The following H2AZ2 variants were observed in gnomAD, a reference collection of about 807,000 sequenced individuals.
H2AZ2 encodes the protein H2A.Z variant histone 2, also known as histone H2A.V.
H2AZ2 carries 5 observed loss-of-function variants against 15.5 expected under a neutral mutation model. The observed-to-expected ratio is 0.32, with a 90% confidence interval of 0.17 to 0.68. H2AZ2 has a LOEUF of 0.68. Ranked by LOEUF, H2AZ2 falls within the 30% of genes least tolerant of loss-of-function variation. H2AZ2 has a pLI of 0.72. For missense variants in H2AZ2, 42 were observed against 162.5 expected (o/e 0.26, Z 4.03); for synonymous variants, 44 against 57.4 (o/e 0.77, Z 1.05).
chr7:44,837,051 G>A (rs1019810247), intron 3 of H2AZ2, among the ~76,000 whole-genome samples: 1 of 151,626 alleles, frequency 6.6e-6, no homozygotes, highest in African/African-American at 2.4e-5. Context: ...AACAGACACA[G>A]GGTTTCACCA....
intron 3 of H2AZ2, among the ~76,000 whole-genome samples, chr7:44,836,870 C>A (rs988284079): frequency 1.3e-5 from 2 of 151,730 alleles, no homozygotes; most frequent in African/African-American, 4.8e-5. Flanking sequence ...GTGGCAGGCA[C>A]CTGTAGTCCC....
At chr7:44,841,790 C>T (rs1793281870) in intron 2 of H2AZ2, among the ~76,000 whole-genome samples, 1 of 152,132 alleles carries the variant, frequency 6.6e-6, no homozygotes, top group African/African-American at 2.4e-5. Flanking sequence ...TTCTTACAGG[C>T]CTCCCTCAAC....
At chr7:44,842,652 C>T (rs1415048780) in intron 2 of H2AZ2, among the ~76,000 whole-genome samples, 1 of 152,190 alleles carries the variant, frequency 6.6e-6, no homozygotes, top group Non-Finnish European at 1.5e-5. Context: ...TTTTCTACTT[C>T]AAATTAAGTA....
rs1793032557 is a variant in H2AZ2 at position 44,833,184 on chromosome 7, GACA to G, written c.*1314_*1316del. On this transcript the variant is annotated 3_prime_UTR_variant, in exon 5 of 5. Coordinates refer to ENST00000308153, the MANE Select transcript of H2AZ2 (RefSeq NM_012412.5). ...GTGCCCCAGTGCCCCAAGTAGTTGGGACAACATGTGTGTACCATGCCTGGCTAA... is the reference window on the plus strand; with the variant it reads ...GTGCCCCAGTGCCCCAAGTAGTTGGGACATGTGTGTACCATGCCTGGCTAA... Among the ~76,000 whole-genome samples, 1 of 152,026 alleles carries G rather than the reference GACA, an allele frequency of 6.6e-6. No individual in the cohort carries two copies. Among genetic ancestry groups the G allele is most frequent in the Admixed American group, 6.6e-5 (1 of 15,240 alleles).
Position 44,846,693 on chromosome 7 carries a change from AATC to A in H2AZ2, c.3+1273_3+1275del, listed in dbSNP as rs1176765820. Among the ~76,000 whole-genome samples, 5 of 151,956 alleles carry A rather than the reference AATC, an allele frequency of 3.3e-5. No homozygotes were observed. In the South Asian group the frequency reaches 8.3e-4, roughly 25 times the overall value. On this transcript the variant is annotated intron_variant, in intron 1 of 4. Coordinates refer to ENST00000308153, the MANE Select transcript of H2AZ2 (RefSeq NM_012412.5). ...AACCACAAAAAACTAGAATCATGAAAATCATCTGTTTGAGCAAATCCTTTTACA... is the reference window on the plus strand; with the variant it reads ...AACCACAAAAAACTAGAATCATGAAAATCTGTTTGAGCAAATCCTTTTACA...
At chr7:44,837,372 G>A (rs1234643199) in intron 3 of H2AZ2, among the ~76,000 whole-genome samples, 20 of 125,920 alleles carry the variant, frequency 1.6e-4, no homozygotes, top group African/African-American at 2.7e-4. Context: ...GCAGTGAGCC[G>A]AGATTGAGCC....
rs555589567 is a variant in H2AZ2, at chr7:44,832,211, G to T, written c.*2290C>A. 6.6e-6 allele frequency among the ~76,000 whole-genome samples: 1 copy of T among 152,058 alleles called. No individual in the cohort carries two copies. The highest frequency in any genetic ancestry group is 1.5e-5 in the Non-Finnish European group (1 of 68,022). ...AAACCAACTGTTAAAAAAAACTTAC[G>T]AGACAATCAGGAAGTTTGAATATTG... On this transcript the variant is annotated 3_prime_UTR_variant, in exon 5 of 5. Transcript: ENST00000308153.
chr7:44,847,623 G>C (rs948315879), intron 1 of H2AZ2, among the ~76,000 whole-genome samples: 41 of 152,182 alleles, frequency 2.7e-4, no homozygotes, highest in African/African-American at 9.2e-4. Context: ...TTCATACAGA[G>C]AAGCGATCAC....
intron 1 of H2AZ2, 100 bp downstream of exon 1, chr7:44,847,869 C>T (rs1477325837): frequency 1.0e-5 from 15 of 1,497,820 alleles, no homozygotes; most frequent in South Asian, 3.6e-5. Flanking sequence ...AGCCCAGACA[C>T]CCGCAAACTC....
intron 2 of H2AZ2, 129 bp from the exon 3 acceptor site, chr7:44,841,141 T>C (rs1264022439): frequency 3.1e-6 from 2 of 645,388 alleles, no homozygotes; most frequent in Middle Eastern, 3.1e-4. Context: ...GCCAAACCTA[T>C]TACGCATCAA....
At chr7:44,827,486 TA>T (rs1792941734), downstream of H2AZ2, 1 of 152,210 alleles carries the variant, frequency 6.6e-6, no homozygotes, top group South Asian at 2.1e-4. Context: ...CTGTTTGTCT[TA>T]ACTGGGCTTC....
intron 3 of H2AZ2, 87 bp downstream of exon 3, chr7:44,840,812 T>G: frequency 2.3e-6 from 2 of 869,856 alleles, no homozygotes; most frequent in South Asian, 3.5e-5. Flanking sequence ...ATAATATGTC[T>G]TTTTTCAAAT....
At chr7:44,836,792 C>T (rs1008114281) in intron 3 of H2AZ2, among the ~76,000 whole-genome samples, 3 of 151,862 alleles carry the variant, frequency 2.0e-5, no homozygotes, top group Admixed American at 1.3e-4. Context: ...GTCAGGAGAT[C>T]GAGACCATCC....
At chr7:44,846,654 CCAAA>C (rs752556630) in intron 1 of H2AZ2, among the ~76,000 whole-genome samples, 3 of 73,312 alleles carry the variant, frequency 4.1e-5, no homozygotes, top group Admixed American at 3.8e-4. Flanking sequence ...CAACAAAAAA[CCAAA>C]AAAAAAAAAA....
rs749092892 is a variant in H2AZ2 at position 44,847,949 on chromosome 7, G to A, written c.3+20C>T. On this transcript the variant is annotated intron_variant, in intron 1 of 4. Transcript: ENST00000308153. ...TGCTCTCCCAGGCCCCGTGCCCCCG[G>A]CCCACCCGGCCGCCCTTACCATGTT... 3 of 1,499,056 alleles carry A rather than the reference G, an allele frequency of 2.0e-6. No individual in the cohort carries two copies. In the South Asian group the frequency reaches 3.7e-5, roughly 19 times the overall value. The allele number at this position is 1,499,056 out of a possible 1,614,324, so 92.9% of individuals were successfully genotyped here.
intron 1 of H2AZ2, 145 bp downstream of exon 1, chr7:44,847,824 C>A (rs955832264): frequency 8.9e-7 from 1 of 1,128,964 alleles, no homozygotes; most frequent in Admixed American, 2.8e-5. Flanking sequence ...GGACATGGCG[C>A]CCCCCGGCGG....
intron 2 of H2AZ2, among the ~76,000 whole-genome samples, chr7:44,841,331 A>G (rs1442236940): frequency 1.3e-5 from 2 of 152,222 alleles, no homozygotes; most frequent in Non-Finnish European, 2.9e-5. Context: ...TAATAGCCAC[A>G]TGCAACTTTG....
chr7:44,847,266 AT>A (rs562394329), intron 1 of H2AZ2, among the ~76,000 whole-genome samples: 6 of 152,182 alleles, frequency 3.9e-5, no homozygotes, highest in African/African-American at 1.4e-4. Context: ...ATTCACTTTC[AT>A]TTTTTTAAAG....
chr7:44,839,125 T>C (rs1041635411), intron 3 of H2AZ2, among the ~76,000 whole-genome samples: 1 of 152,234 alleles, frequency 6.6e-6, no homozygotes, highest in Non-Finnish European at 1.5e-5. Flanking sequence ...CAGGACAGAC[T>C]GAGTCTTTTA....
Sources: gnomAD v4.1 joint callset for allele counts (sites outside exome capture counted in the v4.1 genomes callset) on GRCh38, gnomAD v4.1.1 for gene constraint, MANE v1.5 for transcripts, NCBI Gene and HGNC (gene_info 2026-07-23, HGNC 2026-07-21) for gene names.